The following ADGRL3 variants were observed in gnomAD, a reference collection of about 807,000 sequenced individuals.
ADGRL3 encodes the protein calcium-independent alpha-latrotoxin receptor 3.
ADGRL3 carries 62 observed loss-of-function variants against 153.5 expected under a neutral mutation model. That is an observed-to-expected ratio of 0.40 (90% CI 0.33 to 0.50). The LOEUF (loss-of-function observed/expected upper bound fraction) is 0.50. ADGRL3 is among the 20% of genes least tolerant of loss of function. ADGRL3 has a pLI of 0.47. For synonymous variants in ADGRL3, 710 were observed against 672.5 expected, an observed-to-expected ratio of 1.06 and a Z score of -0.86; for missense variants, 1,641 against 1,859.4, an observed-to-expected ratio of 0.88 and a Z score of 2.16.
chr4:61,939,838 T>C (rs2098872179), intron 15 of ADGRL3, among the ~76,000 whole-genome samples: 1 of 152,202 alleles, frequency 6.6e-6, no homozygotes, highest in Non-Finnish European at 1.5e-5. Context: ...TCTCAATTCG[T>C]TAACCTGACA....
At chr4:61,684,114 C>G (rs1285990794) in intron 6 of ADGRL3, among the ~76,000 whole-genome samples, 1 of 152,078 alleles carries the variant, frequency 6.6e-6, no homozygotes, top group Non-Finnish European at 1.5e-5. Context: ...AGGCAGAAAT[C>G]TTGGACTTCC....
intron 1 of ADGRL3, among the ~76,000 whole-genome samples, chr4:61,301,611 T>C (rs1052644001): frequency 3.9e-5 from 6 of 152,172 alleles, no homozygotes; most frequent in Non-Finnish European, 7.3e-5. Context: ...CTTAGAACCA[T>C]CTTAACTGGT....
chr4:61,488,231 G>A (rs547271714), intron 2 of ADGRL3, among the ~76,000 whole-genome samples: 22 of 152,020 alleles, frequency 1.4e-4, no homozygotes, highest in African/African-American at 5.1e-4. Context: ...TGCTAGAAAA[G>A]TTTCCTATTA....
At chr4:61,411,852 G>A (rs1041063644) in intron 2 of ADGRL3, among the ~76,000 whole-genome samples, 2 of 152,064 alleles carry the variant, frequency 1.3e-5, no homozygotes, top group Admixed American at 6.6e-5. Context: ...TGATATTGAA[G>A]AGAAAATCAC....
rs145838609 is a variant in ADGRL3, at chr4:61,758,659, G to A, written c.1399+25105G>A. On this transcript the variant is annotated intron_variant, in intron 8 of 26. Coordinates refer to ENST00000683033, the MANE Select transcript of ADGRL3 (RefSeq NM_001387552.1). ...GTTTACCAGTCTGTGTCTTTTAATG[G>A]GAGCATTTAGCCCATTTACATTTAA... Among the ~76,000 whole-genome samples the A allele has an allele frequency of 2.0e-4, 30 of 152,178 alleles. No homozygotes were observed. In the East Asian group the frequency reaches 5.4e-3, roughly 27 times the overall value.
At chr4:61,777,074 G>A (rs981226043) in intron 8 of ADGRL3, among the ~76,000 whole-genome samples, 8 of 152,118 alleles carry the variant, frequency 5.3e-5, no homozygotes, top group African/African-American at 1.4e-4. Flanking sequence ...GCTGGCTCAC[G>A]CCTGTAACCC....
intron 2 of ADGRL3, among the ~76,000 whole-genome samples, chr4:61,460,057 C>A (rs1020410023): frequency 1.1e-4 from 17 of 152,052 alleles, no homozygotes; most frequent in South Asian, 2.1e-4. Context: ...GCTTCCTTTG[C>A]TGTACAGAAG....
At chr4:61,798,412 CACAT>C (rs1421490282) in intron 8 of ADGRL3, among the ~76,000 whole-genome samples, 2 of 152,068 alleles carry the variant, frequency 1.3e-5, no homozygotes, top group African/African-American at 4.8e-5. Flanking sequence ...CATTTACATA[CACAT>C]ATGTTTCTGA....
Position 62,074,429 on chromosome 4 carries a change from T to C in ADGRL3, c.*3521T>C, listed in dbSNP as rs961020825. The C allele has an allele frequency of 6.6e-6, 1 of 152,186 alleles. No individual in the cohort carries two copies. Among genetic ancestry groups the C allele is most frequent in the African/African-American group, 2.4e-5 (1 of 41,452 alleles). 9.4% of individuals were successfully genotyped at this position (152,186 alleles called of 1,614,324 possible). A position where few individuals can be genotyped will look rare whatever the true frequency, so the allele number is the denominator to read the frequency against. On this transcript the variant is annotated 3_prime_UTR_variant, in exon 27 of 27. Transcript: ENST00000683033. The stretch of plus-strand genomic sequence containing the variant: ...CATGTTTAGTTAATTCTGAAACTGA[T>C]GGATTGTTGCACAGCCTCTGCTCCT...
chr4:61,920,819 A>G (rs2098765367), intron 13 of ADGRL3, among the ~76,000 whole-genome samples: 1 of 152,130 alleles, frequency 6.6e-6, no homozygotes, highest in African/African-American at 2.4e-5. Flanking sequence ...TCTCCAAACT[A>G]TTCCTTATTA....
intron 25 of ADGRL3, among the ~76,000 whole-genome samples, chr4:62,065,983 G>C (rs1229826237): frequency 2.0e-5 from 3 of 151,962 alleles, no homozygotes; most frequent in African/African-American, 4.8e-5. Context: ...TTTTATTCCA[G>C]TAAATTCAAT....
intron 8 of ADGRL3, among the ~76,000 whole-genome samples, chr4:61,768,969 G>C (rs2097044891): frequency 6.6e-6 from 1 of 151,732 alleles, no homozygotes; most frequent in African/African-American, 2.4e-5. Context: ...ATAAGAGGTT[G>C]GGGTGTGGAA....
chr4:61,901,935 G>A lies in ADGRL3; in HGVS notation c.1887+6101G>A, dbSNP rs117182021. 2.4e-4 allele frequency among the ~76,000 whole-genome samples: 37 copies of A among 152,228 alleles called. No individual in the cohort carries two copies. In the East Asian group the frequency reaches 7.0e-3, roughly 29 times the overall value. ...CTTATTTCTGAGAAAAATTTTAGTA[G>A]AATTTAGTAAAAGAAGTTAGTGAGG... On this transcript the variant is annotated intron_variant, in intron 11 of 26. Transcript: ENST00000683033.
chr4:61,590,353 G>GT (rs199580705), intron 5 of ADGRL3, among the ~76,000 whole-genome samples: 2,784 of 151,522 alleles, frequency 0.018, 71 homozygotes, highest in East Asian at 0.14. Flanking sequence ...ATTTCTTTTT[G>GT]TTTTTTTATA....
chr4:61,518,572 A>G (rs781522005), intron 4 of ADGRL3, among the ~76,000 whole-genome samples: 7 of 152,204 alleles, frequency 4.6e-5, no homozygotes, highest in Non-Finnish European at 7.4e-5. Flanking sequence ...GTGAGAGTTA[A>G]ATGTAATTCT....
At chr4:61,215,047 A>G (rs1040423338) in intron 1 of ADGRL3, among the ~76,000 whole-genome samples, 2 of 152,220 alleles carry the variant, frequency 1.3e-5, no homozygotes, top group Non-Finnish European at 2.9e-5. Context: ...TCAATTTTCC[A>G]GTAATGCTGG....
intron 2 of ADGRL3, among the ~76,000 whole-genome samples, chr4:61,384,776 TACA>T (rs910200498): frequency 6.6e-6 from 1 of 152,042 alleles, no homozygotes; most frequent in African/African-American, 2.4e-5. Flanking sequence ...CGATTCATGT[TACA>T]ACAAGGGTGA....
intron 5 of ADGRL3, among the ~76,000 whole-genome samples, chr4:61,614,135 A>G (rs1339476530): frequency 6.6e-6 from 1 of 152,194 alleles, no homozygotes; most frequent in African/African-American, 2.4e-5. Context: ...CTATATTTGC[A>G]GTATTCACAA....
chr4:61,315,446 T>C (rs1195199080), intron 1 of ADGRL3, among the ~76,000 whole-genome samples: 1 of 152,180 alleles, frequency 6.6e-6, no homozygotes, highest in Non-Finnish European at 1.5e-5. Context: ...CCATTCATGG[T>C]GGTGAGGCTC....
Sources: gnomAD v4.1 joint callset for allele counts (sites outside exome capture counted in the v4.1 genomes callset) on GRCh38, gnomAD v4.1.1 for gene constraint, MANE v1.5 for transcripts, NCBI Gene and HGNC (gene_info 2026-07-23, HGNC 2026-07-21) for gene names.